Variants in MCF2L observed in about 807,000 individuals in gnomAD.
MCF2L encodes the protein guanine nucleotide exchange factor DBS.
A neutral mutation model predicts 153.4 loss-of-function variants in MCF2L; 97 were observed. The ratio of observed to expected loss-of-function variants is 0.63; its 90% CI spans 0.54 to 0.75. The LOEUF is 0.75. Among genes scored for constraint, MCF2L ranks in the 30% least tolerant of loss-of-function variants. The probability of loss-of-function intolerance (pLI) is 0.00; values close to 1 mark genes in which losing one functional copy is unlikely to be tolerated. For missense variants in MCF2L, 1,347 were observed against 1,495.2 expected (o/e 0.90, Z 1.64); for synonymous variants, 659 against 632.2 (o/e 1.04, Z -0.64).
At chr13:113,061,382 G>A (rs535487563) in intron 5 of MCF2L, among the ~76,000 whole-genome samples, 109 of 152,270 alleles carry the variant, frequency 7.2e-4, no homozygotes, top group African/African-American at 2.5e-3. Context: ...AGCTCCCCCG[G>A]AGAGCCCTGG....
intron 1 of MCF2L, among the ~76,000 whole-genome samples, chr13:113,004,698 G>T (rs1245524558): frequency 1.3e-5 from 2 of 152,230 alleles, no homozygotes; most frequent in East Asian, 1.9e-4. Context: ...TTGTGTTCAG[G>T]GTGAGGTCTG....
In MCF2L at chr13:113,027,230, C is replaced by G. The variant is rs988553200; in HGVS notation, c.278+2472C>G. 2.0e-5 allele frequency among the ~76,000 whole-genome samples: 3 copies of G among 152,146 alleles called. No homozygotes were observed. Among genetic ancestry groups the G allele is most frequent in the Non-Finnish European group, 4.4e-5 (3 of 68,016 alleles). ...GGGCCTGGTAACTGAGAGCTCAGCC[C>G]GTCGGCCTGACCTGGAAAGCAGCAC... On this transcript the variant is annotated intron_variant, in intron 3 of 29. Coordinates refer to ENST00000535094, the MANE Select transcript of MCF2L (RefSeq NM_001112732.3). This position sits in a 1 kb window ranked among gnomAD's most constrained non-coding sequence, Gnocchi z 4.8.
intron 2 of MCF2L, among the ~76,000 whole-genome samples, chr13:112,933,776 A>C (rs1311240092): frequency 6.6e-6 from 1 of 152,250 alleles, no homozygotes; most frequent in East Asian, 1.9e-4. Context: ...AGCGAAGAGC[A>C]GGCAGGAGAA....
At chr13:112,897,970 C>T (rs918773106) in intron 1 of MCF2L, among the ~76,000 whole-genome samples, 5 of 151,958 alleles carry the variant, frequency 3.3e-5, no homozygotes, top group Admixed American at 6.5e-5. Context: ...CCATGTGGCC[C>T]GTCCAGCCCC....
chr13:113,051,231 G>A (rs543055304), intron 4 of MCF2L, among the ~76,000 whole-genome samples: 1 of 152,322 alleles, frequency 6.6e-6, no homozygotes, highest in East Asian at 1.9e-4. Flanking sequence ...GATTACAGGG[G>A]AGGAGCTGGG....
chr13:113,043,314 C>T (rs775940960), intron 3 of MCF2L: 4 of 152,220 alleles, frequency 2.6e-5, no homozygotes, highest in Non-Finnish European at 5.9e-5. Flanking sequence ...TGACTGGGTT[C>T]GCTGGCCTGA....
chr13:112,917,717 C>G (rs1460182505), intron 2 of MCF2L, among the ~76,000 whole-genome samples: 1 of 152,260 alleles, frequency 6.6e-6, no homozygotes, highest in East Asian at 1.9e-4. Flanking sequence ...CTGTTCAGCT[C>G]TGACCTGGAG....
chr13:113,036,330 C>T (rs2086150048), intron 3 of MCF2L, among the ~76,000 whole-genome samples: 1 of 152,194 alleles, frequency 6.6e-6, no homozygotes, highest in South Asian at 2.1e-4. Flanking sequence ...AGTTCTAAGA[C>T]AATTTTAAGT....
intron 7 of MCF2L, chr13:113,065,420 G>A (rs550140067): frequency 6.0e-5 from 21 of 350,768 alleles, no homozygotes; most frequent in African/African-American, 3.9e-4. Context: ...ACTTTTGGCT[G>A]TCTGTGCGGG....
chr13:113,083,200 C>T (rs917935154), intron 17 of MCF2L, among the ~76,000 whole-genome samples: 1 of 152,142 alleles, frequency 6.6e-6, no homozygotes, highest in Admixed American at 6.5e-5. Flanking sequence ...GCCCCCGCTG[C>T]GTGTCCTGGA....
At chr13:113,095,261 A>G (rs2035551112) in intron 27 of MCF2L, 2 of 1,191,852 alleles carry the variant, frequency 1.7e-6, no homozygotes, top group African/African-American at 3.2e-5. Flanking sequence ...TCCATGCCCC[A>G]AGGCTGGAGG....
intron 1 of MCF2L, among the ~76,000 whole-genome samples, chr13:113,005,264 G>A (rs927480076): frequency 3.3e-5 from 5 of 152,184 alleles, no homozygotes. Context: ...CCAGCTGCAG[G>A]CACAGAAAGG....
chr13:112,928,735 G>C (rs2081432613), intron 2 of MCF2L, among the ~76,000 whole-genome samples: 1 of 152,202 alleles, frequency 6.6e-6, no homozygotes, highest in African/African-American at 2.4e-5. Flanking sequence ...ATGTGGTCTT[G>C]GCACGGGGAA....
At chr13:112,947,000 T>G (rs771244728) in intron 2 of MCF2L, among the ~76,000 whole-genome samples, 6 of 152,146 alleles carry the variant, frequency 3.9e-5, no homozygotes, top group Non-Finnish European at 7.3e-5. Flanking sequence ...ACGCAGGGCT[T>G]GTCTACTGTG....
intron 1 of MCF2L, among the ~76,000 whole-genome samples, chr13:112,974,610 C>CTCT (rs2140857591): frequency 1.3e-5 from 2 of 152,298 alleles, no homozygotes; most frequent in South Asian, 4.1e-4. Context: ...ATTAGACCTT[C>CTCT]AGGGACTAGT....
At chr13:112,998,126 C>T (rs1397854913) in intron 1 of MCF2L, among the ~76,000 whole-genome samples, 1 of 152,232 alleles carries the variant, frequency 6.6e-6, no homozygotes, top group Non-Finnish European at 1.5e-5. Context: ...TTCCGAACCC[C>T]GTGCACAGCG....
rs1288018840 is a variant in MCF2L, at chr13:112,993,810, A to T, written c.80-20953A>T. On this transcript the variant is annotated intron_variant, in intron 1 of 29. Transcript: ENST00000535094. The surrounding 1 kb of genome is among the most constrained non-coding windows in gnomAD (Gnocchi z 4.6). ...GGGTCCTGGGTGAAGATGACACCACAGATACCTTGGAGATCTGCCTCCAGT... is the reference window on the plus strand; with the variant it reads ...GGGTCCTGGGTGAAGATGACACCACTGATACCTTGGAGATCTGCCTCCAGT... Among the ~76,000 whole-genome samples, 4 of 152,144 alleles carry T rather than the reference A, an allele frequency of 2.6e-5. No homozygotes were observed. Among genetic ancestry groups the T allele is most frequent in the Non-Finnish European group, 5.9e-5 (4 of 68,026 alleles).
chr13:112,921,786 A>T (rs2081355531), intron 2 of MCF2L, among the ~76,000 whole-genome samples: 1 of 152,212 alleles, frequency 6.6e-6, no homozygotes. Context: ...TTTGAGTTGG[A>T]GGCCATGCCA....
At position 112,955,877 on chromosome 13, in the gene MCF2L, G is replaced by T. The variant is rs1397293542; in HGVS notation, c.169+53506G>T. 3.3e-5 allele frequency among the ~76,000 whole-genome samples: 5 copies of T among 152,146 alleles called. No homozygotes were observed. The East Asian group carries it at 9.6e-4, about 29-fold the overall frequency. ...ACGCTGGAGAATAAACGTCAGCTCA[G>T]GTTGCCATCATTTAGACGTTGCATT... On this transcript the variant is annotated intron_variant, in intron 2 of 29. Coordinates refer to the MCF2L transcript ENST00000375608.
Sources: allele counts gnomAD v4.1 joint callset (sites outside exome capture counted in the v4.1 genomes callset), GRCh38; gene constraint gnomAD v4.1.1; non-coding constraint Gnocchi (gnomAD v3.1); transcripts MANE v1.5; gene names NCBI Gene and HGNC (gene_info 2026-07-23, HGNC 2026-07-21).